BSDC1: variants seen among roughly 807,000 people sequenced by gnomAD.
BSDC1 encodes BSD domain containing 1.
BSDC1 carries 29 observed loss-of-function variants against 56.0 expected under a neutral mutation model. That is an observed-to-expected ratio of 0.52 (90% CI 0.39 to 0.71). BSDC1 has a LOEUF of 0.71. Ranked by LOEUF, BSDC1 falls within the 30% of genes least tolerant of loss-of-function variation. BSDC1 has a pLI of 0.00. For missense variants in BSDC1, 477 were observed against 548.5 expected, an observed-to-expected ratio of 0.87 and a Z score of 1.30; for synonymous variants, 210 against 215.3, an observed-to-expected ratio of 0.98 and a Z score of 0.21.
chr1:32,377,873 T>C, intron 8 of BSDC1, 97 bp downstream of exon 8: 1 of 1,193,282 alleles, frequency 8.4e-7, no homozygotes, highest in Non-Finnish European at 1.2e-6. Context: ...TCTTCCCTGA[T>C]GGGCACCAAG....
In BSDC1 at chr1:32,368,442, C is replaced by T. The variant is rs1227111665; in HGVS notation, c.1260+5G>A. The T allele has an allele frequency of 6.2e-7, 1 of 1,614,062 alleles. No homozygotes were observed. The highest frequency in any genetic ancestry group is 8.5e-7 in the Non-Finnish European group (1 of 1,180,038). The stretch of plus-strand genomic sequence containing the variant: ...GCTTCCCTCTGACCCACCAGGCCCA[C>T]TCACCTCCCCGGAGGCATCCACTTT... On this transcript the variant is annotated splice_donor_5th_base_variant and intron_variant, in intron 10 of 10. Coordinates refer to ENST00000455895, the MANE Select transcript of BSDC1 (RefSeq NM_018045.8).
chr1:32,368,353 G>C lies in BSDC1; in HGVS notation c.1260+94C>G, dbSNP rs1392988874. 5 of 1,613,910 alleles carry C rather than the reference G, an allele frequency of 3.1e-6. No homozygotes were observed. The Admixed American group carries it at 8.3e-5, about 27-fold the overall frequency. ...ACCTGTCACCTCAGACAGGAGCAGG[G>C]ACCCTCCTGAGGGGACAGCTGGGCT... On this transcript the variant is annotated intron_variant, in intron 10 of 10. Coordinates refer to ENST00000455895, the MANE Select transcript of BSDC1 (RefSeq NM_018045.8).
At chr1:32,384,171 T>TC in intron 3 of BSDC1, 174 bp from the exon 4 acceptor site, 1 of 795,502 alleles carries the variant, frequency 1.3e-6, no homozygotes, top group Non-Finnish European at 2.0e-6. Context: ...GGGTCCTCCA[T>TC]CCCCCAAGTG....
intron 1 of BSDC1, 92 bp downstream of exon 1, chr1:32,394,312 T>C: frequency 6.2e-7 from 1 of 1,600,234 alleles, no homozygotes; most frequent in Non-Finnish European, 8.6e-7. Context: ...ACGCCCCCGC[T>C]GATCTCACGT....
chr1:32,367,526 C>A, intron 10 of BSDC1: 1 of 985,418 alleles, frequency 1.0e-6, no homozygotes, highest in Non-Finnish European at 1.2e-6. Flanking sequence ...CTAACAGGCT[C>A]ATAAGTTACA....
At chr1:32,388,331 G>T (rs1446205073) in intron 2 of BSDC1, among the ~76,000 whole-genome samples, 1 of 152,096 alleles carries the variant, frequency 6.6e-6, no homozygotes, top group African/African-American at 2.4e-5. Context: ...CTCCTTAATT[G>T]GGGGTGGAGG....
intron 10 of BSDC1, chr1:32,367,174 C>T (rs1265362063): frequency 1.0e-6 from 1 of 985,644 alleles, no homozygotes; most frequent in Non-Finnish European, 1.2e-6. Context: ...TAGGTCTTCA[C>T]TAGGGGCACC....
chr1:32,386,776 C>T lies in BSDC1; in HGVS notation c.189+3G>A, dbSNP rs1642685859. 6.2e-7 allele frequency: 1 copy of T among 1,612,510 alleles called. No individual in the cohort carries two copies. The highest frequency in any genetic ancestry group is 8.5e-7 in the Non-Finnish European group (1 of 1,179,600). On this transcript the variant is annotated splice_donor_region_variant and intron_variant, in intron 3 of 10. Coordinates refer to ENST00000455895, the MANE Select transcript of BSDC1 (RefSeq NM_018045.8). ...TACTTGGGAGGGTTTGGGTGGTACT[C>T]ACAGCCAGCTTCTCCTTGACCACGC...
intron 9 of BSDC1, among the ~76,000 whole-genome samples, chr1:32,369,934 A>G (rs1305909429): frequency 6.6e-6 from 1 of 152,164 alleles, no homozygotes; most frequent in East Asian, 1.9e-4. Context: ...CTGGGATTAC[A>G]GGCACCTGCC....
chr1:32,368,603 C>G (rs1641944482), intron 9 of BSDC1, 53 bp from the exon 10 acceptor site: 34 of 1,610,440 alleles, frequency 2.1e-5, no homozygotes, highest in Non-Finnish European at 2.9e-5. Flanking sequence ...GAAGGGGCAC[C>G]TGAAGAGGGT....
At chr1:32,370,396 T>A (rs1405323398) in intron 9 of BSDC1, among the ~76,000 whole-genome samples, 1 of 152,144 alleles carries the variant, frequency 6.6e-6, no homozygotes, top group Non-Finnish European at 1.5e-5. Flanking sequence ...AGTGCCAGGA[T>A]CTTTTGTTTT....
At position 32,381,390 on chromosome 1, in the gene BSDC1, C is replaced by T. The variant is rs971068752; in HGVS notation, c.358-122G>A. 6 of 937,518 alleles carry T rather than the reference C, an allele frequency of 6.4e-6. No individual in the cohort carries two copies. The African/African-American group carries it at 8.2e-5, about 13-fold the overall frequency. The allele number at this position is 937,518 out of a possible 1,614,324, so 58.1% of individuals were successfully genotyped here. ...CTTCTCCCTTGTTGGCTGGGATACC[C>T]CCAGGGCATCTGTTAATTAGCACTG... On this transcript the variant is annotated intron_variant, in intron 4 of 10. Transcript: ENST00000455895.
In BSDC1 at chr1:32,369,703, A is replaced by T. The variant is rs116094005; in HGVS notation, c.1157-1153T>A. Among the ~76,000 whole-genome samples, 396 of 152,278 alleles carry T rather than the reference A, an allele frequency of 2.6e-3. 1 individual carries two copies. The highest frequency in any genetic ancestry group is 4.7e-3 in the Non-Finnish European group (318 of 68,018). ...ACAAGACCAACTTTTCACCTCCTTC[A>T]TGCCATTGCTCAAATCGTACCTTCT... On this transcript the variant is annotated intron_variant, in intron 9 of 10. Transcript: ENST00000455895.
Position 32,378,161 on chromosome 1 carries a change from C to T in BSDC1, c.597+54G>A. ...TATCCCTTTCTTCTCTCAATAAATCCAGCCTGCTTCCCCCAGGGTTGAGTG... is the reference window on the plus strand; with the variant it reads ...TATCCCTTTCTTCTCTCAATAAATCTAGCCTGCTTCCCCCAGGGTTGAGTG... On this transcript the variant is annotated intron_variant, in intron 7 of 10. Coordinates refer to ENST00000455895, the MANE Select transcript of BSDC1 (RefSeq NM_018045.8). This position sits in a 1 kb window ranked among gnomAD's most constrained non-coding sequence, Gnocchi z 5.2. The T allele has an allele frequency of 1.2e-6, 2 of 1,609,754 alleles. No homozygotes were observed. The highest frequency in any genetic ancestry group is 1.7e-6 in the Non-Finnish European group (2 of 1,176,198).
intron 3 of BSDC1, among the ~76,000 whole-genome samples, chr1:32,385,705 C>A (rs753509949): frequency 3.3e-5 from 5 of 152,074 alleles, no homozygotes; most frequent in Non-Finnish European, 7.4e-5. Context: ...CCAGCCTGGG[C>A]AAGAGAGAGA....
At chr1:32,366,795 C>A (rs944764555) in intron 10 of BSDC1, 141 bp from the exon 11 acceptor site, 91 of 1,409,588 alleles carry the variant, frequency 6.5e-5, no homozygotes, top group Non-Finnish European at 8.2e-5. Flanking sequence ...TGAGAGTGAA[C>A]CCCTAGTCTT....
At chr1:32,385,189 G>A (rs1642623050) in intron 3 of BSDC1, among the ~76,000 whole-genome samples, 1 of 152,050 alleles carries the variant, frequency 6.6e-6, no homozygotes, top group Admixed American at 6.5e-5. Context: ...AACTTTGCAG[G>A]GATATCTTTG....
At chr1:32,381,341 G>T (rs1416198498) in intron 4 of BSDC1, 73 bp from the exon 5 acceptor site, 5 of 1,435,714 alleles carry the variant, frequency 3.5e-6, no homozygotes, top group Non-Finnish European at 3.9e-6. Flanking sequence ...TCTCTGCCAG[G>T]ATACTCAGTC....
In BSDC1 at chr1:32,379,976, G is replaced by A. The variant is rs72880314; in HGVS notation, c.413-1137C>T. On this transcript the variant is annotated intron_variant, in intron 5 of 10. Coordinates refer to ENST00000455895, the MANE Select transcript of BSDC1 (RefSeq NM_018045.8). The stretch of plus-strand genomic sequence containing the variant: ...TCAAAACCTTTCATTGGCTCTCTAT[G>A]GGAGGGCTTTTTAAGCTGGAGTCCA... Among the ~76,000 whole-genome samples, 70 of 152,276 alleles carry A rather than the reference G, an allele frequency of 4.6e-4. 1 individual carries two copies. Among genetic ancestry groups the A allele is most frequent in the African/African-American group, 1.6e-3 (66 of 41,548 alleles).
Sources: allele counts gnomAD v4.1 joint callset (sites outside exome capture counted in the v4.1 genomes callset), GRCh38; gene constraint gnomAD v4.1.1; non-coding constraint Gnocchi (gnomAD v3.1); transcripts MANE v1.5; gene names NCBI Gene and HGNC (gene_info 2026-07-23, HGNC 2026-07-21).